EDARADD: variants seen among roughly 807,000 people sequenced by gnomAD.
EDARADD encodes ectodysplasin-A receptor-associated adapter protein.
Under a neutral mutation model 25.6 loss-of-function variants are expected in EDARADD, and 20 were observed. The ratio of observed to expected loss-of-function variants is 0.78; its 90% CI spans 0.55 to 1.14. The LOEUF is 1.14. EDARADD is among the 50% of genes most tolerant of loss of function. The probability of loss-of-function intolerance (pLI) is 0.00; values close to 1 mark genes in which losing one functional copy is unlikely to be tolerated. For missense variants in EDARADD, 225 were observed against 270.1 expected (o/e 0.83, Z 1.17); for synonymous variants, 86 against 94.4 (o/e 0.91, Z 0.52).
intron 4 of EDARADD, among the ~76,000 whole-genome samples, chr1:236,453,916 G>A (rs1253626): frequency 0.85 from 129,458 of 152,226 alleles, 56,320 homozygotes; most frequent in Non-Finnish European, 0.94. Context: ...GAATAAATGG[G>A]GAACTATCTT....
Position 236,425,064 on chromosome 1 carries a change from AG to A in EDARADD, c.161-2325del, listed in dbSNP as rs1657879573. Among the ~76,000 whole-genome samples, 4 of 152,270 alleles carry A rather than the reference AG, an allele frequency of 2.6e-5. No homozygotes were observed. The South Asian group carries it at 8.3e-4, about 32-fold the overall frequency. ...GTCGCAGGCAGCCACCTCTTCCTCC[AG>A]GGAATACCAGTCGGTCTCCCTGGGG... On this transcript the variant is annotated intron_variant, in intron 3 of 5. Coordinates refer to ENST00000334232, the MANE Select transcript of EDARADD (RefSeq NM_145861.4).
At position 236,483,800 on chromosome 1, in the gene EDARADD, G is replaced by A. The variant is rs1435541716; in HGVS notation, c.*1151G>A. ...CCACCGGTGTGGGGGATGGAGGCGCGTTTGCTCCCAACATCCTGGAGAATA... is the reference window on the plus strand; with the variant it reads ...CCACCGGTGTGGGGGATGGAGGCGCATTTGCTCCCAACATCCTGGAGAATA... On this transcript the variant is annotated 3_prime_UTR_variant, in exon 6 of 6. Transcript: ENST00000334232. 3 of 1,444,994 alleles carry A rather than the reference G, an allele frequency of 2.1e-6. No homozygotes were observed. The highest frequency in any genetic ancestry group is 1.1e-5 in the South Asian group (1 of 87,518). 89.5% of individuals were successfully genotyped at this position (1,444,994 alleles called of 1,614,324 possible). A position where few individuals can be genotyped will look rare whatever the true frequency, so the allele number is the denominator to read the frequency against.
chr1:236,455,209 T>TA (rs71178309), intron 4 of EDARADD, among the ~76,000 whole-genome samples: 30,370 of 147,538 alleles, frequency 0.21, 3,133 homozygotes, highest in African/African-American at 0.22. Context: ...GGCTCTGTCT[T>TA]AAAAAAAAAA....
rs766500689 is a variant in EDARADD at position 236,427,427 on chromosome 1, C to A, written c.196C>A (p.Arg66=). 3.1e-6 allele frequency: 5 copies of A among 1,611,288 alleles called. No individual in the cohort carries two copies. In the Admixed American group the frequency reaches 6.7e-5, roughly 22 times the overall value. ...TGATACAATTACTTTGAACTGCCCA[C>A]GAAATTCAGATATGAAAAATCAGGT... is the stretch of plus-strand genomic sequence containing the variant. ...ECDTITLNCP[R]NSDMKNQGEE... The change falls in exon 4 of 6, where the codon CGA becomes AGA. Residue 66 remains arginine (R), a synonymous_variant. Transcript: ENST00000334232.
chr1:236,468,084 C>T, intron 4 of EDARADD, 147 bp from the exon 5 acceptor site: 1 of 754,756 alleles, frequency 1.3e-6, no homozygotes, highest in Non-Finnish European at 2.4e-6. Context: ...AGTTCACCTC[C>T]CATTAAAATG....
At chr1:236,436,703 T>C (rs1206992571) in intron 4 of EDARADD, among the ~76,000 whole-genome samples, 1 of 150,844 alleles carries the variant, frequency 6.6e-6, no homozygotes, top group African/African-American at 2.4e-5. Flanking sequence ...TGGGGAAAGA[T>C]AGAAATATAC....
chr1:236,352,695 A>G (rs1296375992), intron 3 of EDARADD, among the ~76,000 whole-genome samples: 2 of 152,186 alleles, frequency 1.3e-5, no homozygotes, highest in Non-Finnish European at 2.9e-5. Context: ...TAAAAATACA[A>G]AAATTAGCCG....
Position 236,363,009 on chromosome 1 carries a change from ATAT to A in EDARADD, c.-6+12171_-6+12173del, listed in dbSNP as rs1667072825. Among the ~76,000 whole-genome samples the A allele has an allele frequency of 4.6e-4, 28 of 61,454 alleles. 1 individual carries two copies. Among genetic ancestry groups the A allele is most frequent in the African/African-American group, 1.5e-3 (26 of 17,472 alleles). The allele number at this position is 61,454 out of a possible 152,430, so 40.3% of individuals were successfully genotyped here. A position where few individuals can be genotyped will look rare whatever the true frequency, so the allele number is the denominator to read the frequency against. On this transcript the variant is annotated intron_variant, in intron 3 of 7. Transcript: ENST00000439430. Reference sequence around the variant, plus strand: ...TAAGAAAAAAAAAAAAAAAAAAAATATATATATATATATATATATATATAAAAT... The same window carrying A: ...TAAGAAAAAAAAAAAAAAAAAAAATAATATATATATATATATATATAAAAT...
chr1:236,445,327 A>G lies in EDARADD; in HGVS notation c.219+17877A>G, dbSNP rs1658507249. ...ACTGCAACCTCCGCCTCCCAGGTTC[A>G]AGTGATTCTTCTGCCTCAGCCTCCC... On this transcript the variant is annotated intron_variant, in intron 4 of 5. Transcript: ENST00000334232. Among the ~76,000 whole-genome samples, 3 of 146,834 alleles carry G rather than the reference A, an allele frequency of 2.0e-5. No individual in the cohort carries two copies. In the Admixed American group the frequency reaches 2.2e-4, roughly 11 times the overall value.
rs1178374219 is a variant in EDARADD at position 236,398,164 on chromosome 1, A to C, written c.61+3659A>C. ...TTTCAAGATGGAGTCTCACTCTGTC[A>C]CCCAGGCTGGAGTGCAGTGGCGTGA... On this transcript the variant is annotated intron_variant, in intron 1 of 5. Coordinates refer to ENST00000334232, the MANE Select transcript of EDARADD (RefSeq NM_145861.4). This position sits in a 1 kb window ranked among gnomAD's most constrained non-coding sequence, Gnocchi z 4.1. Among the ~76,000 whole-genome samples the C allele has an allele frequency of 6.6e-6, 1 of 152,086 alleles. No individual in the cohort carries two copies. The highest frequency in any genetic ancestry group is 1.5e-5 in the Non-Finnish European group (1 of 68,024).
intron 3 of EDARADD, among the ~76,000 whole-genome samples, chr1:236,380,063 C>T (rs115631510): frequency 0.014 from 2,150 of 152,262 alleles, 52 homozygotes; most frequent in African/African-American, 0.048. Context: ...CTTTGGTGCC[C>T]GTACCTGCCT....
intron 2 of EDARADD, among the ~76,000 whole-genome samples, chr1:236,409,555 T>C (rs572988099): frequency 6.6e-6 from 1 of 152,126 alleles, no homozygotes; most frequent in East Asian, 1.9e-4. Context: ...TTTTTTTTAT[T>C]TCATTTTTCA....
At chr1:236,421,069 G>C (rs1200436630) in intron 3 of EDARADD, among the ~76,000 whole-genome samples, 1 of 147,322 alleles carries the variant, frequency 6.8e-6, no homozygotes, top group Non-Finnish European at 1.5e-5. Context: ...TCTTCACCCT[G>C]TTGGTGAGGG....
intron 3 of EDARADD, among the ~76,000 whole-genome samples, chr1:236,358,806 T>C (rs1667012635): frequency 6.6e-6 from 1 of 151,810 alleles, no homozygotes; most frequent in Non-Finnish European, 1.5e-5. Context: ...TGATCAATTT[T>C]AGAGTAAGTG....
At chr1:236,457,447 G>A (rs566410449) in intron 4 of EDARADD, among the ~76,000 whole-genome samples, 19 of 152,058 alleles carry the variant, frequency 1.2e-4, no homozygotes, top group Admixed American at 5.2e-4. Context: ...CTCTGGAGGC[G>A]GAGGTCATAG....
chr1:236,419,234 A>C (rs1047844054), intron 3 of EDARADD, among the ~76,000 whole-genome samples: 10 of 152,082 alleles, frequency 6.6e-5, no homozygotes, highest in Non-Finnish European at 1.5e-4. Context: ...CAAAAAGAAA[A>C]AAAAAGTTAA....
At chr1:236,453,940 T>C (rs1438586206) in intron 4 of EDARADD, among the ~76,000 whole-genome samples, 1 of 152,226 alleles carries the variant, frequency 6.6e-6, no homozygotes, top group Non-Finnish European at 1.5e-5. Context: ...TAATGATTGA[T>C]GCTAAAGTAG....
chr1:236,443,276 T>C (rs1571937878), intron 4 of EDARADD, among the ~76,000 whole-genome samples: 1 of 152,312 alleles, frequency 6.6e-6, no homozygotes, highest in East Asian at 1.9e-4. Flanking sequence ...CAGCACCCCA[T>C]GGACCAAGAA....
intron 3 of EDARADD, among the ~76,000 whole-genome samples, chr1:236,360,872 G>T (rs79503575): frequency 0.072 from 10,969 of 152,012 alleles, 507 homozygotes; most frequent in African/African-American, 0.12. Flanking sequence ...CACTAGTGAT[G>T]AAGGAATTGG....
Sources: gnomAD v4.1 joint callset for allele counts (sites outside exome capture counted in the v4.1 genomes callset) on GRCh38, gnomAD v4.1.1 for gene constraint, Gnocchi (gnomAD v3.1) non-coding constraint, MANE v1.5 for transcripts, NCBI Gene and HGNC (gene_info 2026-07-23, HGNC 2026-07-21) for gene names.